The following SKIL variants were observed in gnomAD, a reference collection of about 807,000 sequenced individuals.
SKIL encodes ski-like protein.
Under a neutral mutation model 69.6 loss-of-function variants are expected in SKIL, and 20 were observed. The observed-to-expected ratio is 0.29, with a 90% CI of 0.20 to 0.42. The LOEUF is 0.42. Ranked by LOEUF, SKIL falls within the 10% of genes least tolerant of loss-of-function variation. SKIL has a pLI of 1.00. For synonymous variants in SKIL, 310 were observed against 279.9 expected, an observed-to-expected ratio of 1.11 and a Z score of -1.08; for missense variants, 745 against 783.1, an observed-to-expected ratio of 0.95 and a Z score of 0.58.
intron 2 of SKIL, among the ~76,000 whole-genome samples, chr3:170,362,685 TG>T: frequency 6.6e-6 from 1 of 150,962 alleles, no homozygotes; most frequent in East Asian, 1.9e-4. Context: ...CATGGTGGTG[TG>T]TGTTTGTAGT....
rs1737843357 is a variant in SKIL, at chr3:170,390,228, T to A, written c.1435T>A (p.Ser479Thr). 1 of 1,608,766 alleles carries A rather than the reference T, an allele frequency of 6.2e-7. No homozygotes were observed. Among genetic ancestry groups the A allele is most frequent in the Non-Finnish European group, 8.5e-7 (1 of 1,175,326 alleles). ...TTGATTTTTTTCTCTCCAAGATGCA[T>A]CAATCTCAAATAATTCTACAAGTAA... ...SRELCSRLDA[S>T]ISNNSTSKRK... The change falls in exon 5 of 7, where the codon TCA becomes ACA. Residue 479 changes from serine to threonine, a missense_variant. By Grantham distance (58) the Ser-to-Thr change is moderately conservative. Transcript: ENST00000259119.
chr3:170,382,559 A>G (rs1241432775), intron 3 of SKIL, among the ~76,000 whole-genome samples: 8 of 150,766 alleles, frequency 5.3e-5, no homozygotes, highest in Non-Finnish European at 1.0e-4. Context: ...CCTGAGCGCC[A>G]GCTGTCACTC....
intron 2 of SKIL, among the ~76,000 whole-genome samples, chr3:170,364,784 G>A (rs1439890059): frequency 6.6e-6 from 1 of 152,088 alleles, no homozygotes; most frequent in Admixed American, 6.5e-5. Flanking sequence ...ATGTGCTGAG[G>A]TTTGGTTAAC....
Position 170,361,389 on chromosome 3 carries a change from A to G in SKIL, c.1058A>G (p.Glu353Gly). ...AAGATAATTTTAGAAGAAATGAAGG[A>G]GAAGTTTAGCATGAGAAGTGGAAAG... Reference protein sequence around the residue: ...KLKIILEEMKEKFSMRSGKRN... With the variant: ...KLKIILEEMKGKFSMRSGKRN... The change falls in exon 2 of 7, where the codon GAG becomes GGG. Residue 353 changes from glutamate to glycine, a missense_variant. Glu to Gly is a moderately conservative substitution (Grantham distance 98). Transcript: ENST00000259119. 1.9e-6 allele frequency: 3 copies of G among 1,598,804 alleles called. No homozygotes were observed. The highest frequency in any genetic ancestry group is 2.6e-6 in the Non-Finnish European group (3 of 1,175,508).
chr3:170,370,555 A>G (rs1020488985), intron 2 of SKIL, among the ~76,000 whole-genome samples: 3 of 148,274 alleles, frequency 2.0e-5, no homozygotes, highest in Non-Finnish European at 4.4e-5. Context: ...ATAACAGTGA[A>G]GTCTAAGTGG....
Position 170,392,297 on chromosome 3 carries a change from C to A in SKIL, c.1935C>A (p.Ala645=). The part of the protein sequence containing the change: ...ELRQRLDHAE[A]DRQELQDELR... ...GGCAGAGATTGGACCATGCTGAGGCCGATAGGCAAGAACTCCAAGATGAAC... is the reference window on the plus strand; with the variant it reads ...GGCAGAGATTGGACCATGCTGAGGCAGATAGGCAAGAACTCCAAGATGAAC... The change falls in exon 7 of 7, where the codon GCC becomes GCA. Residue 645 remains alanine, a synonymous_variant. Transcript: ENST00000259119. 1 of 1,611,854 alleles carries A rather than the reference C, an allele frequency of 6.2e-7. No homozygotes were observed. The highest frequency in any genetic ancestry group is 1.1e-5 in the South Asian group (1 of 90,838).
rs773770207 is a variant in SKIL at position 170,382,413 on chromosome 3, A to ATTT, written c.1196+1089_1196+1091dup. ...TTCAAGAATTTGGTGTGCAACTTTG[A>ATTT]TTTTTTTTTTTTTTTTTTTGAGACA... On this transcript the variant is annotated intron_variant, in intron 3 of 6. Coordinates refer to ENST00000259119, the MANE Select transcript of SKIL (RefSeq NM_005414.5). 5.7e-3 allele frequency among the ~76,000 whole-genome samples: 683 copies of ATTT among 119,084 alleles called. 11 individuals carry two copies. Among genetic ancestry groups the ATTT allele is most frequent in the African/African-American group, 0.018 (606 of 34,522 alleles). The allele number at this position is 119,084 out of a possible 152,430, so 78.1% of individuals were successfully genotyped here. A position where few individuals can be genotyped will look rare whatever the true frequency, so the allele number is the denominator to read the frequency against.
rs533049564 is a variant in SKIL at position 170,374,047 on chromosome 3, A to T, written c.1099-7197A>T. Among the ~76,000 whole-genome samples, 30 of 152,350 alleles carry T rather than the reference A, an allele frequency of 2.0e-4. 1 individual carries two copies. In the South Asian group the frequency reaches 5.6e-3, roughly 28 times the overall value. Reference sequence around the variant, plus strand: ...TCTCTAAATTATTTTTCATTATGAGACTGATTAGCATCGTATCACTAAAAT... The same window carrying T: ...TCTCTAAATTATTTTTCATTATGAGTCTGATTAGCATCGTATCACTAAAAT... On this transcript the variant is annotated intron_variant, in intron 2 of 6. Transcript: ENST00000259119.
intron 2 of SKIL, among the ~76,000 whole-genome samples, chr3:170,378,300 G>T (rs1325245017): frequency 1.3e-5 from 2 of 152,212 alleles, no homozygotes; most frequent in African/African-American, 4.8e-5. Flanking sequence ...GTTGAGGGCA[G>T]TGGGTTACTT....
intron 2 of SKIL, among the ~76,000 whole-genome samples, chr3:170,361,722 G>T (rs1342677994): frequency 6.7e-6 from 1 of 150,102 alleles, no homozygotes; most frequent in Admixed American, 6.8e-5. Flanking sequence ...TGTAGCCAGG[G>T]AGTGGAGGAG....
chr3:170,359,171 T>C (rs1281524874), intron 1 of SKIL, among the ~76,000 whole-genome samples: 1 of 152,250 alleles, frequency 6.6e-6, no homozygotes, highest in African/African-American at 2.4e-5. Flanking sequence ...TTTTATGTTA[T>C]ATTATTGCTC....
chr3:170,392,609 G>A lies in SKIL; in HGVS notation c.*192G>A, dbSNP rs1737981101. On this transcript the variant is annotated 3_prime_UTR_variant, in exon 7 of 7. Transcript: ENST00000259119. ...TTACATTTTCCAAATGAATGAAAAT[G>A]TATGTTTCTTTGTACTTTTTTAAAA... 2.6e-6 allele frequency: 1 copy of A among 378,088 alleles called. No individual in the cohort carries two copies. Among genetic ancestry groups the A allele is most frequent in the African/African-American group, 2.1e-5 (1 of 47,772 alleles). 23.4% of individuals were successfully genotyped at this position (378,088 alleles called of 1,614,324 possible).
chr3:170,376,585 T>G (rs1030320470), intron 2 of SKIL, among the ~76,000 whole-genome samples: 6 of 152,062 alleles, frequency 3.9e-5, no homozygotes, highest in African/African-American at 1.4e-4. Context: ...GAGTTTTTAT[T>G]TTTTTAACGA....
At chr3:170,373,834 T>C (rs937123865) in intron 2 of SKIL, among the ~76,000 whole-genome samples, 3 of 152,096 alleles carry the variant, frequency 2.0e-5, no homozygotes, top group Admixed American at 1.3e-4. Context: ...GAGGATGCAG[T>C]GAGCTATAAT....
intron 2 of SKIL, among the ~76,000 whole-genome samples, chr3:170,375,685 C>G (rs1736995386): frequency 6.6e-6 from 1 of 152,148 alleles, no homozygotes; most frequent in Non-Finnish European, 1.5e-5. Flanking sequence ...ACTGATTCTC[C>G]CACCTCAGTC....
At chr3:170,365,750 GGCTT>G in intron 2 of SKIL, among the ~76,000 whole-genome samples, 1 of 101,880 alleles carries the variant, frequency 9.8e-6, no homozygotes, top group African/African-American at 4.6e-5. Flanking sequence ...AGTCAAACTA[GGCTT>G]TTTTTTTTTT....
rs1415525200 is a variant in SKIL, at chr3:170,393,739, G to A, written c.*1322G>A. The A allele has an allele frequency of 6.6e-6, 1 of 152,022 alleles. No individual in the cohort carries two copies. The highest frequency in any genetic ancestry group is 2.4e-5 in the African/African-American group (1 of 41,404). 9.4% of individuals were successfully genotyped at this position (152,022 alleles called of 1,614,324 possible). A position where few individuals can be genotyped will look rare whatever the true frequency, so the allele number is the denominator to read the frequency against. The stretch of plus-strand genomic sequence containing the variant: ...CATTATTACCCCATGGATTTTATGG[G>A]ATAATAAATGTTTTTCATGTTCTCT... On this transcript the variant is annotated 3_prime_UTR_variant, in exon 7 of 7. Transcript: ENST00000259119.
At chr3:170,376,168 C>T (rs942850030) in intron 2 of SKIL, among the ~76,000 whole-genome samples, 4 of 151,390 alleles carry the variant, frequency 2.6e-5, no homozygotes, top group African/African-American at 7.3e-5. Flanking sequence ...CTGCCTCAGC[C>T]TCCCGAGTAG....
At chr3:170,384,009 A>T (rs973851643) in intron 3 of SKIL, among the ~76,000 whole-genome samples, 3 of 144,060 alleles carry the variant, frequency 2.1e-5, no homozygotes, top group African/African-American at 7.9e-5. Context: ...CCTTCTGTGT[A>T]TCTTTTTAGT....
Sources: gnomAD v4.1 joint callset for allele counts (sites outside exome capture counted in the v4.1 genomes callset) on GRCh38, gnomAD v4.1.1 for gene constraint, MANE v1.5 for transcripts, NCBI Gene and HGNC (gene_info 2026-07-23, HGNC 2026-07-21) for gene names.